The following PRMT7 variants were observed in gnomAD, a reference collection of about 807,000 sequenced individuals.
PRMT7 encodes the protein protein arginine methyltransferase 7.
PRMT7 carries 75 observed loss-of-function variants against 85.4 expected under a neutral mutation model. The ratio of observed to expected loss-of-function variants is 0.88; its 90% CI spans 0.73 to 1.06. The LOEUF is 1.06. PRMT7 is among the 50% of genes least tolerant of loss of function. The pLI is 0.00. For synonymous variants in PRMT7, 397 were observed against 359.5 expected, an observed-to-expected ratio of 1.10 and a Z score of -1.18; for missense variants, 868 against 915.2, an observed-to-expected ratio of 0.95 and a Z score of 0.67.
At chr16:68,355,989 G>C (rs556203544) in intron 17 of PRMT7, 106 bp downstream of exon 17, 63 of 1,237,426 alleles carry the variant, frequency 5.1e-5, no homozygotes, top group African/African-American at 6.2e-5. Flanking sequence ...ACACGTGGAG[G>C]GGGTATTCGT....
At chr16:68,359,222 C>G (rs776617937), downstream of PRMT7, 1 of 152,428 alleles carries the variant, frequency 6.6e-6, no homozygotes, top group Non-Finnish European at 1.5e-5. Context: ...CAGGGCCGGC[C>G]GGCCCAGTCG....
At chr16:68,327,812 G>A (rs1026332326) in intron 5 of PRMT7, among the ~76,000 whole-genome samples, 2 of 150,862 alleles carry the variant, frequency 1.3e-5, no homozygotes, top group Admixed American at 6.6e-5. Flanking sequence ...GGTGATCTAC[G>A]CCTGTAGTCC....
At position 68,316,025 on chromosome 16, in the gene PRMT7, G is replaced by T; in HGVS notation, c.46G>T (p.Glu16Ter). ...SRANPTTGSV[E>*]WLEEDEHYDY... Reference sequence around the variant, plus strand: ...GGCCAATCCGACCACGGGGTCTGTGGAGTGGCTGGAGGAGGATGAACACTA... The same window carrying T: ...GGCCAATCCGACCACGGGGTCTGTGTAGTGGCTGGAGGAGGATGAACACTA... Residue 16 changes from glutamate to a stop codon, truncating the protein, a stop_gained, in exon 3 of 19, where the codon GAG becomes TAG. Coordinates refer to ENST00000441236, the MANE Select transcript of PRMT7 (RefSeq NM_019023.5). LOFTEE classifies it high-confidence loss of function. The T allele has an allele frequency of 6.2e-7, 1 of 1,613,790 alleles. No individual in the cohort carries two copies.
intron 5 of PRMT7, 119 bp downstream of exon 5, chr16:68,324,951 A>T: frequency 7.6e-7 from 1 of 1,323,336 alleles, no homozygotes; most frequent in Non-Finnish European, 1.0e-6. Flanking sequence ...TGTGCCAAGC[A>T]CAGAGCCAGG....
At chr16:68,324,584 C>CT (rs1239661060) in intron 4 of PRMT7, 99 bp from the exon 5 acceptor site, 35 of 1,455,868 alleles carry the variant, frequency 2.4e-5, no homozygotes, top group Non-Finnish European at 3.1e-5. Flanking sequence ...AGGGCCCTGA[C>CT]TTGCACTGCC....
intron 9 of PRMT7, among the ~76,000 whole-genome samples, chr16:68,344,538 G>A (rs538503160): frequency 1.3e-5 from 2 of 152,146 alleles, no homozygotes; most frequent in Middle Eastern, 3.4e-3. Context: ...CTGGCCATTT[G>A]GGTGGGTTCC....
chr16:68,356,761 G>T lies in PRMT7; in HGVS notation c.1872G>T (p.Thr624=). ...WMEYHLTPEC[T]LSTGLLEPAD... is the part of the protein sequence containing the mutation. Reference sequence around the variant, plus strand: ...AGTACCACCTGACCCCGGAGTGCACGCTCAGCACTGGCCTCCTGGAGCCTG... The same window carrying T: ...AGTACCACCTGACCCCGGAGTGCACTCTCAGCACTGGCCTCCTGGAGCCTG... The change falls in exon 18 of 19, where the codon ACG becomes ACT. Residue 624 remains threonine, a synonymous_variant. Coordinates refer to ENST00000441236, the MANE Select transcript of PRMT7 (RefSeq NM_019023.5). 6.2e-7 allele frequency: 1 copy of T among 1,610,896 alleles called. No individual in the cohort carries two copies. The highest frequency in any genetic ancestry group is 1.1e-5 in the South Asian group (1 of 90,794).
intron 6 of PRMT7, among the ~76,000 whole-genome samples, 196 bp from the exon 7 acceptor site, chr16:68,337,263 A>G (rs1319518423): frequency 1.3e-5 from 2 of 151,632 alleles, no homozygotes; most frequent in Middle Eastern, 3.4e-3. Context: ...TTTGTCATAC[A>G]TTTACATATG....
chr16:68,332,867 CTG>C (rs1292757560), intron 6 of PRMT7, among the ~76,000 whole-genome samples: 1 of 152,200 alleles, frequency 6.6e-6, no homozygotes, highest in African/African-American at 2.4e-5. Flanking sequence ...AGGGAGCAAA[CTG>C]TGTTGCCTCT....
chr16:68,360,861 C>G (rs987880203), downstream of PRMT7: 1 of 245,102 alleles, frequency 4.1e-6, no homozygotes, highest in African/African-American at 2.3e-5. Context: ...AATAAAGAAC[C>G]CTGGACGAAG....
chr16:68,330,141 G>A (rs2083659377), intron 6 of PRMT7, among the ~76,000 whole-genome samples: 1 of 152,080 alleles, frequency 6.6e-6, no homozygotes, highest in African/African-American at 2.4e-5. Flanking sequence ...TGATCCGCCT[G>A]CCTCAGCCTC....
intron 13 of PRMT7, 138 bp from the exon 14 acceptor site, chr16:68,348,204 C>T: frequency 1.4e-6 from 1 of 717,450 alleles, no homozygotes; most frequent in Non-Finnish European, 2.4e-6. Flanking sequence ...GATTTTTCCA[C>T]AAAGCAGATA....
intron 12 of PRMT7, 108 bp from the exon 13 acceptor site, chr16:68,347,522 GT>G (rs1290383224): frequency 7.9e-7 from 1 of 1,258,034 alleles, no homozygotes. Flanking sequence ...GGCAGGGAGG[GT>G]TGTTCAGGTG....
intron 14 of PRMT7, chr16:68,351,492 C>G (rs2151893459): frequency 6.5e-6 from 1 of 152,700 alleles, no homozygotes; most frequent in Admixed American, 6.5e-5. Context: ...CTGATGAAAA[C>G]TTCTAGTGAC....
At position 68,358,495 on chromosome 16, in the gene PRMT7, T is replaced by C. The variant is rs1441165541; in HGVS notation, c.*1271T>C. On this transcript the variant is annotated 3_prime_UTR_variant, in exon 19 of 19. Coordinates refer to ENST00000441236, the MANE Select transcript of PRMT7 (RefSeq NM_019023.5). Reference sequence around the variant, plus strand: ...TTTGATAATGTTTTTACCAAAACCATAGGTGTGCTTACCATAGAAAACCCC... The same window carrying C: ...TTTGATAATGTTTTTACCAAAACCACAGGTGTGCTTACCATAGAAAACCCC... 1 of 152,674 alleles carries C rather than the reference T, an allele frequency of 6.5e-6. No individual in the cohort carries two copies. Among genetic ancestry groups the C allele is most frequent in the Non-Finnish European group, 1.5e-5 (1 of 68,044 alleles). The allele number at this position is 152,674 out of a possible 1,614,324, so 9.5% of individuals were successfully genotyped here.
Position 68,346,262 on chromosome 16 carries a change from C to A in PRMT7, c.1173C>A (p.Tyr391Ter). Residue 391 changes from tyrosine (Y) to a stop codon, truncating the protein, a stop_gained, in exon 11 of 19, where the codon TAC (tyrosine) becomes TAA (stop). Transcript: ENST00000441236. LOFTEE classifies it high-confidence loss of function. ...EINDQDRTDR[Y>*]VQALRTVLKP... ...ATGACCAGGACAGAACTGATCGATA[C>A]GTCCAGGCTCTGAGGACCGTAAGTG... 1.2e-6 allele frequency: 2 copies of A among 1,614,226 alleles called. No individual in the cohort carries two copies. Among genetic ancestry groups the A allele is most frequent in the Non-Finnish European group, 8.5e-7 (1 of 1,180,030 alleles).
Position 68,321,470 on chromosome 16 carries a change from TA to T in PRMT7, c.132+12del. On this transcript the variant is annotated intron_variant, in intron 4 of 18. Coordinates refer to ENST00000441236, the MANE Select transcript of PRMT7 (RefSeq NM_019023.5). ...CTACATGACAAAGACAGAGTAAGTG[TA>T]AAAGGAAACTATTATCTTGATGTGG... The T allele has an allele frequency of 6.2e-7, 1 of 1,604,994 alleles. No individual in the cohort carries two copies. Among genetic ancestry groups the T allele is most frequent in the South Asian group, 1.1e-5 (1 of 89,720 alleles).
At position 68,313,222 on chromosome 16, in the gene PRMT7, GT is replaced by G. The variant is rs372722944; in HGVS notation, c.-84+1056del. On this transcript the variant is annotated intron_variant, in intron 2 of 18. Coordinates refer to ENST00000441236, the MANE Select transcript of PRMT7 (RefSeq NM_019023.5). ...TATGGATTAAAGTTCTTCACTATAA[GT>G]TTTTTTTTTCCTCCAGTTCAAATGG... 7.6e-4 allele frequency among the ~76,000 whole-genome samples: 115 copies of G among 150,456 alleles called. 1 individual carries two copies. The highest frequency in any genetic ancestry group is 1.9e-3 in the African/African-American group (80 of 41,078).
intron 6 of PRMT7, among the ~76,000 whole-genome samples, chr16:68,333,661 A>G (rs1184783970): frequency 6.6e-6 from 1 of 152,126 alleles, no homozygotes; most frequent in East Asian, 1.9e-4. Flanking sequence ...TTTTGACGGC[A>G]GGGAGACTGA....
Sources: gnomAD v4.1 joint callset for allele counts (sites outside exome capture counted in the v4.1 genomes callset) on GRCh38, gnomAD v4.1.1 for gene constraint, MANE v1.5 for transcripts, NCBI Gene and HGNC (gene_info 2026-07-23, HGNC 2026-07-21) for gene names.